The following DPYD variants were observed in gnomAD, a reference collection of about 807,000 sequenced individuals.
DPYD encodes the protein dihydropyrimidine dehydrogenase.
DPYD carries 109 observed loss-of-function variants against 116.2 expected under a neutral mutation model. The ratio of observed to expected loss-of-function variants is 0.94; its 90% confidence interval spans 0.80 to 1.10. The LOEUF (loss-of-function observed/expected upper bound fraction) is 1.10, where lower values mean the gene tolerates loss of function less well. Ranked by LOEUF, DPYD falls within the 50% of genes least tolerant of loss-of-function variation. DPYD has a pLI of 0.00. For missense variants in DPYD, 1,302 were observed against 1,254.5 expected, an observed-to-expected ratio of 1.04 and a Z score of -0.57; for synonymous variants, 440 against 432.0, an observed-to-expected ratio of 1.02 and a Z score of -0.23.
At chr1:97,730,414 G>A (rs1460238243) in intron 4 of DPYD, among the ~76,000 whole-genome samples, 1 of 152,000 alleles carries the variant, frequency 6.6e-6, no homozygotes, top group Non-Finnish European at 1.5e-5. Context: ...AGTAGAGACA[G>A]GATTTTTCCA....
At chr1:97,264,604 A>G (rs72726664) in intron 18 of DPYD, among the ~76,000 whole-genome samples, 1,749 of 152,218 alleles carry the variant, frequency 0.011, 31 homozygotes, top group Middle Eastern at 0.044. Context: ...CCTAAATCCT[A>G]TTTTAACTTT....
chr1:97,166,412 T>G (rs1246718231), intron 20 of DPYD, among the ~76,000 whole-genome samples: 1 of 151,842 alleles, frequency 6.6e-6, no homozygotes, highest in African/African-American at 2.4e-5. Context: ...TGGGACCTAC[T>G]GAGAGTGAGG....
At chr1:97,137,293 C>T (rs914482907) in intron 20 of DPYD, among the ~76,000 whole-genome samples, 15 of 152,186 alleles carry the variant, frequency 9.9e-5, no homozygotes, top group Non-Finnish European at 4.4e-5. Flanking sequence ...TCATCTGCCT[C>T]GGAGAGACTG....
chr1:97,559,150 AT>A (rs1241666858), intron 11 of DPYD, among the ~76,000 whole-genome samples: 4 of 152,088 alleles, frequency 2.6e-5, no homozygotes, highest in Non-Finnish European at 5.9e-5. Flanking sequence ...GTATTGAAAT[AT>A]TTTTTGTATA....
intron 3 of DPYD, among the ~76,000 whole-genome samples, chr1:97,807,220 G>C (rs1000378452): frequency 2.0e-5 from 3 of 152,020 alleles, no homozygotes; most frequent in African/African-American, 7.2e-5. Flanking sequence ...ATGTTTAATT[G>C]TGTAAGAAAG....
intron 18 of DPYD, among the ~76,000 whole-genome samples, chr1:97,274,632 T>C (rs1167119436): frequency 6.6e-6 from 1 of 152,198 alleles, no homozygotes; most frequent in Non-Finnish European, 1.5e-5. Flanking sequence ...TCATTCATGA[T>C]GATAAAGCAG....
chr1:97,297,465 C>A (rs1224725604), intron 18 of DPYD, among the ~76,000 whole-genome samples: 1 of 152,260 alleles, frequency 6.6e-6, no homozygotes, highest in Middle Eastern at 3.4e-3. Context: ...AGGTTTCAAG[C>A]AGCTTCCAGG....
chr1:97,590,380 C>T (rs993177501), intron 10 of DPYD, among the ~76,000 whole-genome samples: 13 of 152,166 alleles, frequency 8.5e-5, no homozygotes, highest in Non-Finnish European at 1.0e-4. Context: ...AGAAAGCCTT[C>T]GGTGCTGATT....
intron 3 of DPYD, among the ~76,000 whole-genome samples, chr1:97,760,945 G>A (rs1049631114): frequency 2.0e-5 from 3 of 152,112 alleles, no homozygotes; most frequent in Non-Finnish European, 2.9e-5. Context: ...ACTGAAAGTC[G>A]TGCTAATTAG....
chr1:97,572,252 T>G (rs909146357), intron 11 of DPYD, among the ~76,000 whole-genome samples: 24 of 152,072 alleles, frequency 1.6e-4, no homozygotes, highest in African/African-American at 5.3e-4. Context: ...ATTTTCTCCT[T>G]CTTCATATTT....
At chr1:97,220,906 C>T (rs563462132) in intron 19 of DPYD, among the ~76,000 whole-genome samples, 8 of 152,212 alleles carry the variant, frequency 5.3e-5, no homozygotes, top group African/African-American at 1.9e-4. Flanking sequence ...GTGATTTACT[C>T]TTTACCCCAA....
intron 3 of DPYD, among the ~76,000 whole-genome samples, chr1:97,789,421 T>G (rs568193942): frequency 6.6e-6 from 1 of 152,332 alleles, no homozygotes; most frequent in East Asian, 1.9e-4. Context: ...TTTCTTTCTT[T>G]TGCAAAATTG....
intron 20 of DPYD, among the ~76,000 whole-genome samples, chr1:97,109,910 C>A (rs1651468208): frequency 6.6e-6 from 1 of 152,024 alleles, no homozygotes; most frequent in Non-Finnish European, 1.5e-5. Context: ...AAATATTAAA[C>A]ATGGGAAAAT....
intron 16 of DPYD, among the ~76,000 whole-genome samples, chr1:97,349,146 C>T (rs193044224): frequency 4.6e-5 from 7 of 152,036 alleles, no homozygotes; most frequent in East Asian, 1.9e-4. Flanking sequence ...CTAGAAAGTA[C>T]GAATAATAGT....
intron 16 of DPYD, among the ~76,000 whole-genome samples, chr1:97,373,025 T>G (rs1273238745): frequency 1.3e-5 from 2 of 152,244 alleles, no homozygotes; most frequent in African/African-American, 4.8e-5. Context: ...ATTTTGTTCA[T>G]TAGGCTTTTG....
chr1:97,279,587 C>T (rs146204216), intron 18 of DPYD, among the ~76,000 whole-genome samples: 2,400 of 152,104 alleles, frequency 0.016, 30 homozygotes, highest in Non-Finnish European at 0.026. Context: ...CTTGGGTCAC[C>T]GCAACCTCCG....
intron 8 of DPYD, among the ~76,000 whole-genome samples, chr1:97,626,450 A>C (rs1656934140): frequency 6.6e-6 from 1 of 151,992 alleles, no homozygotes; most frequent in South Asian, 2.1e-4. Flanking sequence ...ACAAGAAAAA[A>C]ACAAACAAAC....
intron 16 of DPYD, among the ~76,000 whole-genome samples, chr1:97,316,926 T>G (rs1667888949): frequency 6.6e-6 from 1 of 151,424 alleles, no homozygotes; most frequent in Admixed American, 6.6e-5. Flanking sequence ...TCCCTTGTCT[T>G]TAATTTTATC....
At chr1:97,432,955 G>GA (rs1427473195) in intron 14 of DPYD, among the ~76,000 whole-genome samples, 3 of 152,080 alleles carry the variant, frequency 2.0e-5, no homozygotes, top group Admixed American at 2.0e-4. Context: ...CCAACTTTCT[G>GA]AACCAAGGGA....
Sources: gnomAD v4.1 joint callset for allele counts (sites outside exome capture counted in the v4.1 genomes callset) on GRCh38, gnomAD v4.1.1 for gene constraint, MANE v1.5 for transcripts, NCBI Gene and HGNC (gene_info 2026-07-23, HGNC 2026-07-21) for gene names.